PTPN9: variants seen among roughly 807,000 people sequenced by gnomAD.
PTPN9 encodes protein tyrosine phosphatase non-receptor type 9, also known as tyrosine-protein phosphatase non-receptor type 9.
In PTPN9, 26 loss-of-function variants were observed where a neutral mutation model predicts 69.8. The observed-to-expected ratio is 0.37, with a 90% CI of 0.27 to 0.52. The LOEUF is 0.52. Among genes scored for constraint, PTPN9 ranks in the 20% least tolerant of loss-of-function variants. The pLI is 0.91. For synonymous variants in PTPN9, 274 were observed against 272.5 expected (o/e 1.01, Z -0.05); for missense variants, 549 against 740.3 (o/e 0.74, Z 3.00).
intron 7 of PTPN9, among the ~76,000 whole-genome samples, chr15:75,504,926 C>T (rs1788294435): frequency 6.6e-6 from 1 of 151,894 alleles, no homozygotes; most frequent in South Asian, 2.1e-4. Context: ...AGTGAGGAGC[C>T]CCTCTGCCCA....
intron 8 of PTPN9, among the ~76,000 whole-genome samples, chr15:75,480,245 C>G (rs117968432): frequency 0.014 from 2,091 of 152,232 alleles, 23 homozygotes; most frequent in Non-Finnish European, 0.022. Context: ...TTAGGCAAAG[C>G]TTTCACAGAT....
intron 8 of PTPN9, chr15:75,487,552 C>G (rs755102180): frequency 1.9e-4 from 29 of 152,178 alleles, no homozygotes; most frequent in African/African-American, 6.3e-4. Context: ...AGGCACTGTT[C>G]TAGGTACTGG....
chr15:75,575,607 A>C (rs1437641282), intron 1 of PTPN9, among the ~76,000 whole-genome samples: 1 of 152,158 alleles, frequency 6.6e-6, no homozygotes, highest in Non-Finnish European at 1.5e-5. Context: ...GTTTAATTTT[A>C]ATATTTTAAA....
chr15:75,506,600 C>T (rs2074820904), intron 6 of PTPN9, among the ~76,000 whole-genome samples: 1 of 152,144 alleles, frequency 6.6e-6, no homozygotes, highest in Non-Finnish European at 1.5e-5. Context: ...GCCTCAACCT[C>T]CTGGGCTCAA....
rs1346369932 is a variant in PTPN9 at position 75,465,095 on chromosome 15, T to G, written c.*3674A>C. The G allele has an allele frequency of 6.6e-6, 1 of 152,144 alleles. No homozygotes were observed. Among genetic ancestry groups the G allele is most frequent in the Non-Finnish European group, 1.5e-5 (1 of 68,024 alleles). The allele number at this position is 152,144 out of a possible 1,614,324, so 9.4% of individuals were successfully genotyped here. On this transcript the variant is annotated 3_prime_UTR_variant, in exon 13 of 13. Transcript: ENST00000618819. Reference sequence around the variant, plus strand: ...TTTTCTTCTTTCCTGAACACTGTCTTTCTTTTTTATTTATTTATTTTTTTT... The same window carrying G: ...TTTTCTTCTTTCCTGAACACTGTCTGTCTTTTTTATTTATTTATTTTTTTT...
intron 1 of PTPN9, among the ~76,000 whole-genome samples, chr15:75,534,427 A>C (rs1006923805): frequency 1.3e-5 from 2 of 152,192 alleles, no homozygotes; most frequent in Admixed American, 1.3e-4. Flanking sequence ...TAATCCCAGC[A>C]CTTTGGAAGG....
At chr15:75,495,515 C>T (rs908856805) in intron 7 of PTPN9, among the ~76,000 whole-genome samples, 1 of 152,118 alleles carries the variant, frequency 6.6e-6, no homozygotes, top group Non-Finnish European at 1.5e-5. Context: ...GAGTTCGAAA[C>T]CAGCCTAGCC....
intron 7 of PTPN9, among the ~76,000 whole-genome samples, chr15:75,502,603 TGGTTTTGTGATA>T (rs2074779827): frequency 6.6e-6 from 1 of 152,142 alleles, no homozygotes; most frequent in African/African-American, 2.4e-5. Context: ...ACTAGCGAGA[TGGTTTTGTGATA>T]GGATTTGAGT....
At chr15:75,562,600 G>C (rs543963593) in intron 1 of PTPN9, among the ~76,000 whole-genome samples, 1 of 152,196 alleles carries the variant, frequency 6.6e-6, no homozygotes, top group South Asian at 2.1e-4. Flanking sequence ...GGGAGGCCGA[G>C]GCGGGTGGAT....
At chr15:75,477,492 G>A (rs943496360) in intron 9 of PTPN9, among the ~76,000 whole-genome samples, 4 of 152,188 alleles carry the variant, frequency 2.6e-5, no homozygotes, top group Non-Finnish European at 5.9e-5. Context: ...CTACTTGGGA[G>A]GCTGAGGCAG....
chr15:75,555,248 C>G (rs894053836), intron 1 of PTPN9, among the ~76,000 whole-genome samples: 1 of 152,116 alleles, frequency 6.6e-6, no homozygotes, highest in African/African-American at 2.4e-5. Context: ...ATACCTAGTT[C>G]CAGAGCCAAT....
intron 7 of PTPN9, among the ~76,000 whole-genome samples, chr15:75,505,022 G>A (rs1022195748): frequency 2.6e-4 from 39 of 152,348 alleles, no homozygotes; most frequent in South Asian, 2.1e-4. Flanking sequence ...ATAGAAAGGG[G>A]GGAAAGGTGG....
In PTPN9 at chr15:75,562,570, G is replaced by A. The variant is rs1469437787; in HGVS notation, c.63+16144C>T. The stretch of plus-strand genomic sequence containing the variant: ...TCCTAGGCCGGGCGCGGTGGCTCAC[G>A]CCTGTAATCCCAACGCTTTGGGAGG... On this transcript the variant is annotated intron_variant, in intron 1 of 12. Coordinates refer to ENST00000618819, the MANE Select transcript of PTPN9 (RefSeq NM_002833.4). 3.9e-5 allele frequency among the ~76,000 whole-genome samples: 6 copies of A among 152,014 alleles called. No individual in the cohort carries two copies. The South Asian group carries it at 6.2e-4, about 16-fold the overall frequency.
intron 2 of PTPN9, among the ~76,000 whole-genome samples, chr15:75,524,612 G>A (rs1160437573): frequency 6.6e-6 from 1 of 151,418 alleles, no homozygotes; most frequent in Admixed American, 6.6e-5. Context: ...ACCTTGTCTC[G>A]GCTAAAAATA....
chr15:75,476,008 A>C (rs935302611), intron 9 of PTPN9, among the ~76,000 whole-genome samples: 2 of 152,028 alleles, frequency 1.3e-5, no homozygotes, highest in African/African-American at 4.8e-5. Context: ...GTGTAGTAGC[A>C]CATGCCTGTA....
intron 5 of PTPN9, among the ~76,000 whole-genome samples, chr15:75,511,116 T>C (rs570877879): frequency 2.6e-5 from 4 of 152,354 alleles, no homozygotes; most frequent in African/African-American, 9.6e-5. Flanking sequence ...TATTAATCCG[T>C]TGATGGACAT....
chr15:75,528,951 C>T (rs190700289), intron 1 of PTPN9, among the ~76,000 whole-genome samples: 1 of 151,866 alleles, frequency 6.6e-6, no homozygotes, highest in African/African-American at 2.4e-5. Context: ...ATCATTCCAT[C>T]TCGCATTCCC....
In PTPN9 at chr15:75,472,688, AGAATCACTT is replaced by A; in HGVS notation, c.1208+992_1208+1000del. On this transcript the variant is annotated intron_variant, in intron 10 of 12. Coordinates refer to ENST00000618819, the MANE Select transcript of PTPN9 (RefSeq NM_002833.4). The stretch of plus-strand genomic sequence containing the variant: ...GTTCCTATAATCTCAGCTACTCAGG[AGAATCACTT>A]GAACCCAGGAGGCAAGGGTTGCGGT... Among the ~76,000 whole-genome samples, 2 of 151,590 alleles carry A rather than the reference AGAATCACTT, an allele frequency of 1.3e-5. 1 individual carries two copies.
At chr15:75,568,507 C>CAAAAAAAAAAA (rs1206871976) in intron 1 of PTPN9, among the ~76,000 whole-genome samples, 1 of 56,258 alleles carries the variant, frequency 1.8e-5, no homozygotes, top group Non-Finnish European at 3.8e-5. Flanking sequence ...GACCTTGTCT[C>CAAAAAAAAAAA]AAAAAAAAAA....
Sources: allele counts gnomAD v4.1 joint callset (sites outside exome capture counted in the v4.1 genomes callset), GRCh38; gene constraint gnomAD v4.1.1; transcripts MANE v1.5; gene names NCBI Gene and HGNC (gene_info 2026-07-23, HGNC 2026-07-21).